OSBPL9: variants seen among roughly 807,000 people sequenced by gnomAD.
The protein encoded by OSBPL9 is oxysterol binding protein like 9, also known as oxysterol-binding protein-related protein 9.
Under a neutral mutation model 106.6 loss-of-function variants are expected in OSBPL9, and 40 were observed. The ratio of observed to expected loss-of-function variants is 0.38; its 90% CI spans 0.29 to 0.49. The LOEUF (loss-of-function observed/expected upper bound fraction) is 0.49, where lower values mean the gene tolerates loss of function less well. Among genes scored for constraint, OSBPL9 ranks in the 20% least tolerant of loss-of-function variants. The probability of loss-of-function intolerance (pLI) is 0.97; values close to 1 mark genes in which losing one functional copy is unlikely to be tolerated. For missense variants in OSBPL9, 609 were observed against 887.2 expected, an observed-to-expected ratio of 0.69 and a Z score of 3.98; for synonymous variants, 269 against 295.4, an observed-to-expected ratio of 0.91 and a Z score of 0.92.
At chr1:51,784,118 G>A in intron 18 of OSBPL9, 93 bp downstream of exon 18, 2 of 1,393,810 alleles carry the variant, frequency 1.4e-6, no homozygotes, top group Non-Finnish European at 2.0e-6. Context: ...CTAAGCATTG[G>A]TATTGGGGGT....
intron 15 of OSBPL9, among the ~76,000 whole-genome samples, chr1:51,780,480 C>T (rs1302550905): frequency 6.6e-6 from 1 of 152,146 alleles, no homozygotes; most frequent in Non-Finnish European, 1.5e-5. Context: ...GCCCATCAAT[C>T]AACAAGCAAA....
chr1:51,580,202 G>A (rs1337769168), intron 1 of OSBPL9, among the ~76,000 whole-genome samples: 1 of 152,124 alleles, frequency 6.6e-6, no homozygotes, highest in African/African-American at 2.4e-5. Context: ...AGCCTTGTGG[G>A]GTGGTGAACA....
chr1:51,737,146 C>A (rs1031350004), intron 4 of OSBPL9, among the ~76,000 whole-genome samples: 1 of 151,954 alleles, frequency 6.6e-6, no homozygotes. Flanking sequence ...TTTGCTAGTG[C>A]GTGCTTTACC....
chr1:51,574,943 G>A (rs1012954294), upstream of OSBPL9, among the ~76,000 whole-genome samples: 1 of 152,078 alleles, frequency 6.6e-6, no homozygotes, highest in African/African-American at 2.4e-5. Flanking sequence ...AATTTGTTTT[G>A]CTTTGGCATG....
At chr1:51,771,667 A>G (rs1283910596) in intron 12 of OSBPL9, among the ~76,000 whole-genome samples, 1 of 152,172 alleles carries the variant, frequency 6.6e-6, no homozygotes, top group Non-Finnish European at 1.5e-5. Context: ...ACAGTTTTTT[A>G]ATGATTAGGA....
intron 3 of OSBPL9, among the ~76,000 whole-genome samples, chr1:51,704,498 C>T (rs888070994): frequency 6.6e-6 from 1 of 152,104 alleles, no homozygotes; most frequent in African/African-American, 2.4e-5. Context: ...TTCAAAGTTA[C>T]TTCATGTTTT....
chr1:51,592,276 G>A (rs1024937918), intron 1 of OSBPL9, among the ~76,000 whole-genome samples: 32 of 151,686 alleles, frequency 2.1e-4, no homozygotes, highest in Admixed American at 1.3e-3. Flanking sequence ...CACCACACCC[G>A]GCTAATTTTT....
intron 2 of OSBPL9, among the ~76,000 whole-genome samples, chr1:51,661,733 A>C (rs1570889011): frequency 1.3e-5 from 2 of 152,230 alleles, no homozygotes; most frequent in South Asian, 4.1e-4. Context: ...ACACCATTTC[A>C]TATATAGATT....
chr1:51,728,176 T>G (rs1367459538), intron 4 of OSBPL9, among the ~76,000 whole-genome samples: 3 of 152,158 alleles, frequency 2.0e-5, no homozygotes, highest in Non-Finnish European at 4.4e-5. Context: ...TGTCAGCCAT[T>G]GTTAAATATT....
chr1:51,568,626 G>C, the OSBPL9 span, among the ~76,000 whole-genome samples: 1 of 152,198 alleles, frequency 6.6e-6, no homozygotes, highest in Non-Finnish European at 1.5e-5. Flanking sequence ...GAGTGTAGTG[G>C]TGCAACCTCA....
chr1:51,630,603 G>A (rs1645045304), intron 1 of OSBPL9, among the ~76,000 whole-genome samples: 1 of 152,202 alleles, frequency 6.6e-6, no homozygotes, highest in African/African-American at 2.4e-5. Context: ...GTCAAAGAGT[G>A]AGTGGTGAGT....
the OSBPL9 span, among the ~76,000 whole-genome samples, chr1:51,532,168 T>C: frequency 6.6e-6 from 1 of 152,072 alleles, no homozygotes; most frequent in Admixed American, 6.6e-5. Context: ...AGAGAGGACT[T>C]GGAGTCAAGA....
At position 51,788,955 on chromosome 1, in the gene OSBPL9, G is replaced by GTAGAT. The variant is rs1678381599; in HGVS notation, c.*1168_*1172dup. ...CTGGTTACGTAAGGCCTTTCAAGAAGTAGATTCTCAGTCTGAGAGGACACA... is the reference window on the plus strand; with the variant it reads ...CTGGTTACGTAAGGCCTTTCAAGAAGTAGATTAGATTCTCAGTCTGAGAGGACACA... On this transcript the variant is annotated 3_prime_UTR_variant, in exon 24 of 24. Transcript: ENST00000428468. 6.6e-6 allele frequency among the ~76,000 whole-genome samples: 1 copy of GTAGAT among 152,130 alleles called. No homozygotes were observed. The highest frequency in any genetic ancestry group is 2.4e-5 in the African/African-American group (1 of 41,398).
intron 3 of OSBPL9, among the ~76,000 whole-genome samples, chr1:51,685,699 C>T (rs1311808637): frequency 6.6e-6 from 1 of 152,154 alleles, no homozygotes; most frequent in East Asian, 1.9e-4. Flanking sequence ...CACCCGGCCC[C>T]TACTATGATT....
chr1:51,607,226 C>T (rs368475868), intron 2 of OSBPL9, among the ~76,000 whole-genome samples: 1 of 146,122 alleles, frequency 6.8e-6, no homozygotes, highest in Non-Finnish European at 1.5e-5. Context: ...TGCAGTGGCA[C>T]GATCTCAGCA....
At chr1:51,662,742 ATTTT>A (rs139072045) in intron 2 of OSBPL9, among the ~76,000 whole-genome samples, 1 of 131,766 alleles carries the variant, frequency 7.6e-6, no homozygotes, top group African/African-American at 3.0e-5. Context: ...AAATCAACGA[ATTTT>A]TTTTTTTTTT....
chr1:51,606,824 A>G (rs1422095542), intron 2 of OSBPL9, among the ~76,000 whole-genome samples: 3 of 152,128 alleles, frequency 2.0e-5, no homozygotes, highest in Non-Finnish European at 2.9e-5. Flanking sequence ...CAAGGCGGGC[A>G]GATCACGAGG....
At chr1:51,624,652 C>A (rs1351487756) in intron 1 of OSBPL9, among the ~76,000 whole-genome samples, 1 of 151,782 alleles carries the variant, frequency 6.6e-6, no homozygotes, top group African/African-American at 2.4e-5. Flanking sequence ...CATAAAGAAA[C>A]TCTCTAAGAT....
intron 1 of OSBPL9, among the ~76,000 whole-genome samples, chr1:51,581,093 ATT>A (rs539655452): frequency 1.4e-5 from 2 of 138,560 alleles, no homozygotes; most frequent in Admixed American, 7.3e-5. Flanking sequence ...TAATTTTTGT[ATT>A]TTTTTTTTTT....
Sources: gnomAD v4.1 joint callset for allele counts (sites outside exome capture counted in the v4.1 genomes callset) on GRCh38, gnomAD v4.1.1 for gene constraint, MANE v1.5 for transcripts, NCBI Gene and HGNC (gene_info 2026-07-23, HGNC 2026-07-21) for gene names.